The following EBF1 variants were observed in gnomAD, a reference collection of about 807,000 sequenced individuals.
EBF1 encodes EBF transcription factor 1, also known as transcription factor COE1.
In EBF1, 10 loss-of-function variants were observed where a neutral mutation model predicts 68.4. That is an observed-to-expected ratio of 0.15 (90% confidence interval 0.09 to 0.25). EBF1 has a LOEUF of 0.25. Among genes scored for constraint, EBF1 ranks in the 10% least tolerant of loss-of-function variants. The probability of loss-of-function intolerance (pLI) is 1.00; values close to 1 mark genes in which losing one functional copy is unlikely to be tolerated. For synonymous variants in EBF1, 298 were observed against 299.8 expected (o/e 0.99, Z 0.06); for missense variants, 509 against 794.4 (o/e 0.64, Z 4.32).
intron 6 of EBF1, among the ~76,000 whole-genome samples, chr5:159,071,220 A>C (rs1422965685): frequency 6.6e-6 from 1 of 152,248 alleles, no homozygotes; most frequent in African/African-American, 2.4e-5. Context: ...AAGATAGTTC[A>C]TCAGAAACAA....
rs141104273 is a variant in EBF1 at position 159,070,209 on chromosome 5, A to G, written c.554+3187T>C. 3.2e-3 allele frequency among the ~76,000 whole-genome samples: 487 copies of G among 152,238 alleles called. 4 individuals are homozygous for G. Among genetic ancestry groups the G allele is most frequent in the African/African-American group, 0.011 (472 of 41,544 alleles). On this transcript the variant is annotated intron_variant, in intron 6 of 15. Transcript: ENST00000313708. ...TGCAGGCTGGGTTATGTGCTTCTTAATCAAGCTATTTGGCACCACACAGAA... is the reference window on the plus strand; with the variant it reads ...TGCAGGCTGGGTTATGTGCTTCTTAGTCAAGCTATTTGGCACCACACAGAA...
At chr5:158,808,690 G>A (rs1782037318) in intron 8 of EBF1, among the ~76,000 whole-genome samples, 3 of 152,166 alleles carry the variant, frequency 2.0e-5, no homozygotes, top group Non-Finnish European at 2.9e-5. Context: ...GTTCAGTACA[G>A]AGTGGGCAAA....
chr5:158,703,980 C>T (rs897098015), intron 15 of EBF1, among the ~76,000 whole-genome samples: 1 of 152,220 alleles, frequency 6.6e-6, no homozygotes, highest in African/African-American at 2.4e-5. Context: ...GATTTTGTAG[C>T]CCTCTTGTGC....
rs185653540 is a variant in EBF1 at position 158,710,941 on chromosome 5, C to A, written c.1549+1213G>T. 3.4e-3 allele frequency among the ~76,000 whole-genome samples: 524 copies of A among 152,162 alleles called. 2 individuals carry two copies. The highest frequency in any genetic ancestry group is 5.4e-3 in the Non-Finnish European group (365 of 68,006). On this transcript the variant is annotated intron_variant, in intron 14 of 15. Coordinates refer to ENST00000313708, the MANE Select transcript of EBF1 (RefSeq NM_024007.5). ...TCCAAGATGAACTTCAAAGTCAGAG[C>A]GAGATCAAGAGATTGTGAGAACACG...
chr5:159,016,652 G>GGT (rs1561801347), intron 6 of EBF1, among the ~76,000 whole-genome samples: 6 of 152,182 alleles, frequency 3.9e-5, no homozygotes, highest in African/African-American at 1.4e-4. Flanking sequence ...GCCTATGACT[G>GGT]CAATGCCAGG....
At chr5:158,902,961 G>C (rs570487683) in intron 6 of EBF1, among the ~76,000 whole-genome samples, 43 of 152,312 alleles carry the variant, frequency 2.8e-4, no homozygotes, top group Admixed American at 2.8e-3. Flanking sequence ...AGGGAAAGCT[G>C]GAAAGTTAAG....
intron 9 of EBF1, among the ~76,000 whole-genome samples, chr5:158,793,333 G>A (rs912501847): frequency 6.6e-6 from 1 of 152,116 alleles, no homozygotes; most frequent in Non-Finnish European, 1.5e-5. Context: ...TGCAAGCCTT[G>A]ACAAATGGCC....
intron 10 of EBF1, among the ~76,000 whole-genome samples, chr5:158,745,823 C>A (rs79973044): frequency 0.028 from 4,285 of 152,216 alleles, 204 homozygotes; most frequent in African/African-American, 0.096. Context: ...TAAGCAAACA[C>A]CCTGGTAATC....
chr5:158,792,358 GC>G (rs756103843), intron 9 of EBF1, among the ~76,000 whole-genome samples: 1 of 152,172 alleles, frequency 6.6e-6, no homozygotes, highest in African/African-American at 2.4e-5. Context: ...GCAATAAAGT[GC>G]CCCTTTCTTC....
At chr5:158,995,864 G>A (rs1308761183) in intron 6 of EBF1, among the ~76,000 whole-genome samples, 2 of 152,052 alleles carry the variant, frequency 1.3e-5, no homozygotes, top group Non-Finnish European at 1.5e-5. Context: ...TCTCATCTTC[G>A]GTCACAGACT....
chr5:158,879,380 A>T (rs1237549747), intron 6 of EBF1, among the ~76,000 whole-genome samples: 2 of 152,208 alleles, frequency 1.3e-5, no homozygotes, highest in Non-Finnish European at 2.9e-5. Flanking sequence ...TGTCCTGAGA[A>T]AGAGGAAAGT....
Position 158,698,968 on chromosome 5 carries a change from T to TTTTG in EBF1, c.*139_*142dup, listed in dbSNP as rs1756197495. The TTTTG allele has an allele frequency of 1.5e-6, 1 of 675,164 alleles. No homozygotes were observed. Among genetic ancestry groups the TTTTG allele is most frequent in the South Asian group, 3.6e-5 (1 of 28,156 alleles). The allele number at this position is 675,164 out of a possible 1,614,324, so 41.8% of individuals were successfully genotyped here. ...ATTTCAGTATTTGCAAGGTCGGTGA[T>TTTTG]TTTGTTTGTTTAAAAATCTGCAGTT... On this transcript the variant is annotated 3_prime_UTR_variant, in exon 16 of 16. Transcript: ENST00000313708.
At chr5:158,959,568 C>T (rs7719912) in intron 6 of EBF1, among the ~76,000 whole-genome samples, 75,946 of 151,796 alleles carry the variant, frequency 0.5, 19,854 homozygotes, top group Non-Finnish European at 0.57. Flanking sequence ...CTGGGATTAC[C>T]GGCCTGAGCC....
chr5:158,801,014 GTT>G (rs748211262), intron 8 of EBF1, among the ~76,000 whole-genome samples: 3 of 152,024 alleles, frequency 2.0e-5, no homozygotes, highest in Non-Finnish European at 4.4e-5. Flanking sequence ...CCAATTTCTG[GTT>G]TTAAATCTCA....
intron 6 of EBF1, among the ~76,000 whole-genome samples, chr5:158,945,070 G>A (rs1253305208): frequency 6.6e-6 from 1 of 152,126 alleles, no homozygotes; most frequent in Non-Finnish European, 1.5e-5. Context: ...AAGCTCTTTA[G>A]TTTAATTAGA....
chr5:158,915,106 G>T (rs545080677), intron 6 of EBF1, among the ~76,000 whole-genome samples: 1 of 152,168 alleles, frequency 6.6e-6, no homozygotes, highest in East Asian at 1.9e-4. Context: ...AAATGGGGCG[G>T]GCCAGGCACT....
chr5:158,721,971 G>A (rs1762023678), intron 11 of EBF1, among the ~76,000 whole-genome samples: 1 of 151,744 alleles, frequency 6.6e-6, no homozygotes, highest in East Asian at 1.9e-4. Context: ...GTGAATGGGA[G>A]CCTGGGGTGC....
At chr5:159,039,408 T>C (rs1243258262) in intron 6 of EBF1, among the ~76,000 whole-genome samples, 1 of 152,266 alleles carries the variant, frequency 6.6e-6, no homozygotes, top group Non-Finnish European at 1.5e-5. Flanking sequence ...CAGGTTGTTA[T>C]ATTGTACTAG....
rs1205595571 is a variant in EBF1, at chr5:158,711,562, CT to C, written c.1549+591del. 1.2e-4 allele frequency among the ~76,000 whole-genome samples: 18 copies of C among 152,216 alleles called. No homozygotes were observed. In the South Asian group the frequency reaches 1.2e-3, roughly 11 times the overall value. Reference sequence around the variant, plus strand: ...CTTGGAGAGGAAATGAACTTGATTCCTTTTATGTAGCTAAAATAATCAGGTG... The same window carrying C: ...CTTGGAGAGGAAATGAACTTGATTCCTTTATGTAGCTAAAATAATCAGGTG... On this transcript the variant is annotated intron_variant, in intron 14 of 15. Transcript: ENST00000313708.
Sources: allele counts gnomAD v4.1 joint callset (sites outside exome capture counted in the v4.1 genomes callset), GRCh38; gene constraint gnomAD v4.1.1; transcripts MANE v1.5; gene names NCBI Gene and HGNC (gene_info 2026-07-23, HGNC 2026-07-21).